Variants in CDH13 observed in about 807,000 individuals in gnomAD.
CDH13 encodes cadherin-13.
In CDH13, 24 loss-of-function variants were observed where a neutral mutation model predicts 63.8. The observed-to-expected ratio is 0.38, with a 90% CI of 0.27 to 0.53. CDH13 has a LOEUF of 0.53. CDH13 is among the 20% of genes least tolerant of loss of function. The probability of loss-of-function intolerance (pLI) is 0.85; values close to 1 mark genes in which losing one functional copy is unlikely to be tolerated. For missense variants in CDH13, 1,049 were observed against 903.1 expected, an observed-to-expected ratio of 1.16 and a Z score of -2.07; for synonymous variants, 503 against 355.3, an observed-to-expected ratio of 1.42 and a Z score of -4.67.
Position 83,198,328 on chromosome 16 carries a change from C to T in CDH13, c.484-19017C>T, listed in dbSNP as rs530368316. On this transcript the variant is annotated intron_variant, in intron 4 of 13. Coordinates refer to ENST00000567109, the MANE Select transcript of CDH13 (RefSeq NM_001257.5). ...ACACTAAATCACACACATGTACACACACACACACACACACACACACACACA... is the reference window on the plus strand; with the variant it reads ...ACACTAAATCACACACATGTACACATACACACACACACACACACACACACA... Among the ~76,000 whole-genome samples the T allele has an allele frequency of 1.9e-4, 28 of 145,372 alleles. 1 individual carries two copies. The highest frequency in any genetic ancestry group is 6.4e-4 in the African/African-American group (25 of 39,090).
At chr16:83,043,649 C>T (rs748275909) in intron 3 of CDH13, among the ~76,000 whole-genome samples, 8 of 151,710 alleles carry the variant, frequency 5.3e-5, no homozygotes, top group African/African-American at 1.2e-4. Context: ...ACTTGAGGCC[C>T]GGAGTTTGAG....
chr16:83,316,344 A>C (rs1220663049), intron 5 of CDH13, among the ~76,000 whole-genome samples: 1 of 152,190 alleles, frequency 6.6e-6, no homozygotes, highest in African/African-American at 2.4e-5. Context: ...TAATTGATAC[A>C]CTGGCCTAGT....
intron 4 of CDH13, among the ~76,000 whole-genome samples, chr16:83,216,714 G>A (rs1355363037): frequency 1.4e-5 from 2 of 146,378 alleles, no homozygotes; most frequent in East Asian, 2.0e-4. Flanking sequence ...TAATATTGAT[G>A]CATATATATT....
chr16:83,518,966 C>G (rs575896365), intron 7 of CDH13, among the ~76,000 whole-genome samples: 15 of 152,248 alleles, frequency 9.9e-5, no homozygotes, highest in Admixed American at 2.6e-4. Flanking sequence ...TTATTAGTAG[C>G]TTGAGAACGG....
intron 5 of CDH13, among the ~76,000 whole-genome samples, chr16:83,266,657 A>G (rs899855196): frequency 1.3e-5 from 2 of 152,228 alleles, no homozygotes; most frequent in Non-Finnish European, 2.9e-5. Context: ...CTTAAGGCAA[A>G]GAAGTTTAAG....
intron 2 of CDH13, among the ~76,000 whole-genome samples, chr16:82,890,776 C>T (rs12934108): frequency 0.4 from 59,966 of 151,664 alleles, 12,673 homozygotes; most frequent in East Asian, 0.78. Context: ...CTCAGCCTCC[C>T]GAATAGCTGA....
intron 7 of CDH13, among the ~76,000 whole-genome samples, chr16:83,588,923 C>G (rs900759832): frequency 6.6e-6 from 1 of 152,192 alleles, no homozygotes; most frequent in African/African-American, 2.4e-5. Flanking sequence ...TTCCAGGAAA[C>G]TCAGCGGTCA....
At chr16:82,761,564 A>C (rs12102990) in intron 1 of CDH13, among the ~76,000 whole-genome samples, 7,688 of 152,278 alleles carry the variant, frequency 0.05, 644 homozygotes, top group African/African-American at 0.18. Context: ...GCATTGCATC[A>C]TGAATATGCT....
chr16:83,015,841 A>G (rs1284587905), intron 2 of CDH13, among the ~76,000 whole-genome samples: 2 of 151,166 alleles, frequency 1.3e-5, no homozygotes, highest in African/African-American at 4.9e-5. Context: ...TTGAGATCCC[A>G]TGTAAGAATT....
chr16:82,878,853 G>T lies in CDH13; in HGVS notation c.157+20380G>T, dbSNP rs764675841. Among the ~76,000 whole-genome samples, 51 of 152,206 alleles carry T rather than the reference G, an allele frequency of 3.4e-4. 1 individual carries two copies. The highest frequency in any genetic ancestry group is 6.8e-3 in the Middle Eastern group (2 of 294). ...AATATCTAACATTGAGGCATTGAAA[G>T]ATAGATCAGGACTGATTTTACTGAG... On this transcript the variant is annotated intron_variant, in intron 2 of 13. Transcript: ENST00000567109.
At chr16:82,691,879 C>G (rs1408537522) in intron 1 of CDH13, among the ~76,000 whole-genome samples, 2 of 152,180 alleles carry the variant, frequency 1.3e-5, no homozygotes, top group African/African-American at 4.8e-5. Context: ...TGCAAACCCT[C>G]AGGCTTTACC....
At chr16:83,761,342 A>G (rs1728080845) in intron 11 of CDH13, among the ~76,000 whole-genome samples, 1 of 152,258 alleles carries the variant, frequency 6.6e-6, no homozygotes, top group Non-Finnish European at 1.5e-5. Flanking sequence ...CAGAATATTC[A>G]AGGTACTTTC....
At chr16:83,256,707 T>C (rs1229741160) in intron 5 of CDH13, among the ~76,000 whole-genome samples, 2 of 147,132 alleles carry the variant, frequency 1.4e-5, no homozygotes, top group Middle Eastern at 3.5e-3. Context: ...TAGCCGGGCA[T>C]GGTGGCGGCT....
At chr16:83,599,707 A>T (rs1255712220) in intron 7 of CDH13, among the ~76,000 whole-genome samples, 1 of 152,208 alleles carries the variant, frequency 6.6e-6, no homozygotes, top group African/African-American at 2.4e-5. Context: ...TAGGAATTAT[A>T]TTGGTAAATA....
chr16:82,751,152 G>A (rs2034397571), intron 1 of CDH13, among the ~76,000 whole-genome samples: 1 of 152,144 alleles, frequency 6.6e-6, no homozygotes, highest in South Asian at 2.1e-4. Flanking sequence ...ATGTGTACCA[G>A]TTGATGTCAC....
intron 1 of CDH13, among the ~76,000 whole-genome samples, chr16:82,854,783 C>T (rs561014166): frequency 3.3e-5 from 5 of 152,138 alleles, no homozygotes; most frequent in Admixed American, 2.6e-4. Context: ...TCTATATTTT[C>T]CTTTCCAGTT....
intron 3 of CDH13, among the ~76,000 whole-genome samples, chr16:83,066,814 C>G (rs1246439142): frequency 2.0e-5 from 3 of 152,202 alleles, no homozygotes; most frequent in Non-Finnish European, 2.9e-5. Context: ...TGCTTCTACT[C>G]TACCCTTCAT....
intron 2 of CDH13, among the ~76,000 whole-genome samples, chr16:83,004,051 A>G (rs1913219633): frequency 6.6e-6 from 1 of 152,224 alleles, no homozygotes; most frequent in African/African-American, 2.4e-5. Context: ...TTGGGAAAAA[A>G]ATATTCTCAG....
intron 3 of CDH13, among the ~76,000 whole-genome samples, chr16:83,078,156 G>C (rs555146615): frequency 8.5e-5 from 13 of 152,262 alleles, no homozygotes; most frequent in African/African-American, 3.1e-4. Flanking sequence ...AGAGTTTTGG[G>C]CAGAATTCAT....
Sources: allele counts gnomAD v4.1 joint callset (sites outside exome capture counted in the v4.1 genomes callset), GRCh38; gene constraint gnomAD v4.1.1; transcripts MANE v1.5; gene names NCBI Gene and HGNC (gene_info 2026-07-23, HGNC 2026-07-21).